AQP7: variants seen among roughly 807,000 people sequenced by gnomAD.
The protein encoded by AQP7 is aquaporin 7, also known as aquaporin-7.
Under a neutral mutation model 26.1 loss-of-function variants are expected in AQP7, and 22 were observed. The ratio of observed to expected loss-of-function variants is 0.84; its 90% CI spans 0.60 to 1.20. The LOEUF is 1.20. Among genes scored for constraint, AQP7 ranks in the 50% most tolerant of loss-of-function variants. The pLI is 0.00. For synonymous variants in AQP7, 167 were observed against 181.7 expected, an observed-to-expected ratio of 0.92 and a Z score of 0.65; for missense variants, 412 against 457.5, an observed-to-expected ratio of 0.90 and a Z score of 0.91.
At chr9:33,394,486 CTTTTT>C (rs56966031) in intron 3 of AQP7, among the ~76,000 whole-genome samples, 3 of 115,112 alleles carry the variant, frequency 2.6e-5, no homozygotes. Flanking sequence ...CTCTCTCTCT[CTTTTT>C]TTTTTTTTTT....
rs571801791 is a variant in AQP7, at chr9:33,389,985, G to A, written c.145-2893C>T. On this transcript the variant is annotated intron_variant, in intron 3 of 7. Transcript: ENST00000297988. The stretch of plus-strand genomic sequence containing the variant: ...GGAGCTTGCAGTGAGCCGAGATCAC[G>A]CCACTACACTCCAGCCTGGGTGACA... Among the ~76,000 whole-genome samples the A allele has an allele frequency of 2.0e-4, 29 of 141,820 alleles. 1 individual carries two copies. The highest frequency in any genetic ancestry group is 3.0e-4 in the Admixed American group (4 of 13,148). The allele number at this position is 141,820 out of a possible 152,430, so 93.0% of individuals were successfully genotyped here. A position where few individuals can be genotyped will look rare whatever the true frequency, so the allele number is the denominator to read the frequency against.
chr9:33,387,909 G>A (rs1825016742), intron 3 of AQP7, among the ~76,000 whole-genome samples: 1 of 152,100 alleles, frequency 6.6e-6, no homozygotes, highest in Non-Finnish European at 1.5e-5. Context: ...GTGGGTTCCT[G>A]GTTGCCTCCT....
intron 4 of AQP7, 129 bp downstream of exon 4, chr9:33,386,840 C>A: frequency 4.3e-6 from 6 of 1,394,140 alleles, no homozygotes; most frequent in Middle Eastern, 2.6e-4. Flanking sequence ...TCAGAGGAGA[C>A]TTCCTCCCGC....
In AQP7 at chr9:33,386,398, A is replaced by G. The variant is rs201479582; in HGVS notation, c.406+6T>C. On this transcript the variant is annotated splice_donor_region_variant and intron_variant, in intron 5 of 7. Coordinates refer to ENST00000297988, the MANE Select transcript of AQP7 (RefSeq NM_001170.3). ...CCAGAGGCGGACACCCGGGCAGGAT[A>G]CTCACTGTAGAAGAGACTGTAGATG... 310 of 1,610,362 alleles carry G rather than the reference A, an allele frequency of 1.9e-4. 5 individuals are homozygous for G. The South Asian group carries it at 2.5e-3, about 13-fold the overall frequency.
intron 1 of AQP7, chr9:33,401,990 A>T (rs1373010456): frequency 1.3e-5 from 2 of 152,330 alleles, no homozygotes; most frequent in Non-Finnish European, 2.9e-5. Flanking sequence ...GCAAGCCGGC[A>T]GCTGACCCGT....
At chr9:33,399,646 G>A (rs1346739718) in intron 2 of AQP7, among the ~76,000 whole-genome samples, 3 of 151,940 alleles carry the variant, frequency 2.0e-5, no homozygotes, top group African/African-American at 7.3e-5. Context: ...TATGAGTCAA[G>A]CACCAGGGAT....
Position 33,387,019 on chromosome 9 carries a change from C to T in AQP7, c.218G>A (p.Gly73Asp), listed in dbSNP as rs1198614474. 1.2e-6 allele frequency: 2 copies of T among 1,612,006 alleles called. No individual in the cohort carries two copies. Among genetic ancestry groups the T allele is most frequent in the Non-Finnish European group, 1.7e-6 (2 of 1,179,834 alleles). ...TCCCATGGTGACTCCGAAGCCAAAA[C>T]CCAAGTTGACACCAAGGTAGCTCCC... ...KYGSYLGVNL[G>D]FGFGVTMGVH... Residue 73 changes from glycine (G) to aspartate (D), a missense_variant, in exon 4 of 8, where the codon GGT (glycine) becomes GAT (aspartate). Transcript: ENST00000297988.
chr9:33,387,321 G>T (rs1482227053), intron 3 of AQP7, among the ~76,000 whole-genome samples: 1 of 152,130 alleles, frequency 6.6e-6, no homozygotes, highest in Non-Finnish European at 1.5e-5. Context: ...GGGTGGAGCG[G>T]CAGAGTTAGA....
At chr9:33,387,316 G>A (rs566652086) in intron 3 of AQP7, among the ~76,000 whole-genome samples, 15 of 152,224 alleles carry the variant, frequency 9.9e-5, no homozygotes, top group Non-Finnish European at 1.9e-4. Context: ...GAGCCGGGTG[G>A]AGCGGCAGAG....
chr9:33,387,341 G>A (rs4008663), intron 3 of AQP7, among the ~76,000 whole-genome samples: 7 of 152,048 alleles, frequency 4.6e-5, no homozygotes, highest in Non-Finnish European at 7.4e-5. Flanking sequence ...AAGCTCTTAC[G>A]ACAAACATCC....
At position 33,396,628 on chromosome 9, in the gene AQP7, G is replaced by A. The variant is rs2021025; in HGVS notation, c.27-1433C>T. ...AGGCCTTTGCACATGCCAGTCCTAC[G>A]CCCAGAATGGTCCCCTGCCTCCCCA... is the stretch of plus-strand genomic sequence containing the variant. On this transcript the variant is annotated intron_variant, in intron 2 of 7. Coordinates refer to ENST00000297988, the MANE Select transcript of AQP7 (RefSeq NM_001170.3). Among the ~76,000 whole-genome samples, 3 of 145,760 alleles carry A rather than the reference G, an allele frequency of 2.1e-5. No individual in the cohort carries two copies. The South Asian group carries it at 6.9e-4, about 34-fold the overall frequency.
chr9:33,388,477 C>T (rs1305997117), intron 3 of AQP7, among the ~76,000 whole-genome samples: 1 of 152,194 alleles, frequency 6.6e-6, no homozygotes, highest in East Asian at 1.9e-4. Context: ...AGTCCAAACT[C>T]AGTAGGCCAC....
chr9:33,396,658 C>T (rs1249845782), intron 2 of AQP7, among the ~76,000 whole-genome samples: 2 of 143,648 alleles, frequency 1.4e-5, no homozygotes, highest in African/African-American at 2.6e-5. Context: ...TCCCCAGAGG[C>T]TCCTTTACCC....
chr9:33,385,133 A>G lies in AQP7; in HGVS notation c.901T>C (p.Leu301=). 10 of 1,611,936 alleles carry G rather than the reference A, an allele frequency of 6.2e-6. No individual in the cohort carries two copies. The highest frequency in any genetic ancestry group is 8.5e-6 in the Non-Finnish European group (10 of 1,179,840). The stretch of plus-strand genomic sequence containing the variant: ...GGTTCATGAGATCCCATCTTGGGCA[A>G]TACGGTTATCCCGTGGTCTTCATAC... ...VAYEDHGITV[L]PKMGSHEPTI... is the part of the protein sequence containing the mutation. The change falls in exon 8 of 8, where the codon TTG becomes CTG. Residue 301 remains leucine, a synonymous_variant. Coordinates refer to ENST00000297988, the MANE Select transcript of AQP7 (RefSeq NM_001170.3).
chr9:33,389,132 A>G (rs1587107814), intron 3 of AQP7, among the ~76,000 whole-genome samples: 2 of 150,108 alleles, frequency 1.3e-5, no homozygotes, highest in South Asian at 4.2e-4. Flanking sequence ...GGTTCAAGTG[A>G]TTCTCCTGCC....
chr9:33,401,141 C>T, intron 2 of AQP7, 96 bp downstream of exon 2: 1 of 1,410,976 alleles, frequency 7.1e-7, no homozygotes, highest in Non-Finnish European at 9.8e-7. Flanking sequence ...GGACAGCTGC[C>T]CCAAGGGAGA....
At chr9:33,394,962 A>T (rs1448112883) in intron 3 of AQP7, 116 bp downstream of exon 3, 2 of 896,022 alleles carry the variant, frequency 2.2e-6, no homozygotes, top group Non-Finnish European at 3.6e-6. Flanking sequence ...CTGCTTCCCC[A>T]GGCTCCCAGC....
chr9:33,399,933 A>C (rs1826136509), intron 2 of AQP7, among the ~76,000 whole-genome samples: 1 of 152,128 alleles, frequency 6.6e-6, no homozygotes, highest in African/African-American at 2.4e-5. Context: ...AGAGGGAAGT[A>C]TGAAGGACAT....
At position 33,395,166 on chromosome 9, in the gene AQP7, C is replaced by T. The variant is rs185204201; in HGVS notation, c.56G>A (p.Trp19Ter). Reference protein sequence around the residue: ...RSTRGSKMVSWSVIAKIQEIL... With the variant: ...RSTRGSKMVS The stretch of plus-strand genomic sequence containing the variant: ...TTCCTGGATCTTTGCTATCACGGAC[C>T]AGGAGACCATTTTGGAGCCACGGGT... The change falls in exon 3 of 8, where the codon TGG becomes TAG. Residue 19 changes from tryptophan (W) to a stop codon, truncating the protein, a stop_gained. Transcript: ENST00000297988. LOFTEE classifies it high-confidence loss of function. 1.3e-5 allele frequency: 21 copies of T among 1,613,982 alleles called. No homozygotes were observed. The highest frequency in any genetic ancestry group is 5.3e-5 in the African/African-American group (4 of 75,068).
Sources: gnomAD v4.1 joint callset for allele counts (sites outside exome capture counted in the v4.1 genomes callset) on GRCh38, gnomAD v4.1.1 for gene constraint, MANE v1.5 for transcripts, NCBI Gene and HGNC (gene_info 2026-07-23, HGNC 2026-07-21) for gene names.